The following ALDH4A1 variants were observed in gnomAD, a reference collection of about 807,000 sequenced individuals.
ALDH4A1 encodes the protein delta-1-pyrroline-5-carboxylate dehydrogenase, mitochondrial.
A neutral mutation model predicts 70.5 loss-of-function variants in ALDH4A1; 46 were observed. That is an observed-to-expected ratio of 0.65 (90% confidence interval 0.51 to 0.83). The LOEUF is 0.83. ALDH4A1 is among the 40% of genes least tolerant of loss of function. ALDH4A1 has a pLI of 0.00. For synonymous variants in ALDH4A1, 323 were observed against 324.3 expected (o/e 1.00, Z 0.04); for missense variants, 749 against 766.5 (o/e 0.98, Z 0.27).
intron 1 of ALDH4A1, among the ~76,000 whole-genome samples, chr1:18,899,550 A>G (rs1012342127): frequency 2.0e-5 from 3 of 152,216 alleles, no homozygotes; most frequent in African/African-American, 7.2e-5. Context: ...AAAAACAGGA[A>G]GTCAGGGTTA....
At chr1:18,885,180 C>T (rs1365277744) in intron 5 of ALDH4A1, 2 of 471,478 alleles carry the variant, frequency 4.2e-6, no homozygotes, top group Non-Finnish European at 7.8e-6. Context: ...GGAGACAGTG[C>T]AGGCCACCAC....
At chr1:18,882,940 C>T (rs1569752955) in intron 7 of ALDH4A1, among the ~76,000 whole-genome samples, 184 bp downstream of exon 7, 3 of 152,206 alleles carry the variant, frequency 2.0e-5, no homozygotes, top group Admixed American at 1.3e-4. Context: ...CAGAGAGGCA[C>T]GACGCTGGGA....
chr1:18,872,655 C>T lies in ALDH4A1; in HGVS notation c.*190G>A. 1.7e-6 allele frequency: 1 copy of T among 578,292 alleles called. No individual in the cohort carries two copies. The highest frequency in any genetic ancestry group is 3.0e-5 in the Admixed American group (1 of 33,464). The allele number at this position is 578,292 out of a possible 1,614,324, so 35.8% of individuals were successfully genotyped here. A position where few individuals can be genotyped will look rare whatever the true frequency, so the allele number is the denominator to read the frequency against. ...TAAGGGGTAGTGGCCATGTTCCTCCCCAGCACGATCTCAAACCAGAGCCTG... is the reference window on the plus strand; with the variant it reads ...TAAGGGGTAGTGGCCATGTTCCTCCTCAGCACGATCTCAAACCAGAGCCTG... On this transcript the variant is annotated 3_prime_UTR_variant, in exon 15 of 15. Transcript: ENST00000375341.
intron 1 of ALDH4A1, among the ~76,000 whole-genome samples, chr1:18,902,245 A>G (rs1935824279): frequency 2.0e-5 from 3 of 152,026 alleles, no homozygotes; most frequent in African/African-American, 4.8e-5. Context: ...TCCCCTCGCT[A>G]AAGGAAGGTG....
intron 1 of ALDH4A1, among the ~76,000 whole-genome samples, chr1:18,896,127 C>T (rs1935608375): frequency 6.6e-6 from 1 of 152,128 alleles, no homozygotes; most frequent in Non-Finnish European, 1.5e-5. Context: ...CCTCTCATAG[C>T]TCTAGACTTT....
intron 3 of ALDH4A1, 21 bp from the exon 4 acceptor site, chr1:18,886,532 G>T: frequency 6.2e-7 from 1 of 1,613,738 alleles, no homozygotes; most frequent in Non-Finnish European, 8.5e-7. Flanking sequence ...AGAAGAGTGA[G>T]GTCCTTGCCC....
chr1:18,890,998 G>A (rs1055510888), intron 1 of ALDH4A1: 3 of 580,030 alleles, frequency 5.2e-6, no homozygotes, highest in Non-Finnish European at 6.5e-6. Flanking sequence ...GGCCCTGGGG[G>A]TGAGGTGCCT....
chr1:18,881,872 A>G lies in ALDH4A1; in HGVS notation c.694T>C (p.Trp232Arg). 1 of 1,613,536 alleles carries G rather than the reference A, an allele frequency of 6.2e-7. No individual in the cohort carries two copies. Among genetic ancestry groups the G allele is most frequent in the Non-Finnish European group, 8.5e-7 (1 of 1,180,012 alleles). ...AGCATGGCAGTGTCACTGGGCTTCC[A>G]TAGGACCACGTTGCCCTGCCCGGGA... ...APALMGNVVLWKPSDTAMLAS... is the reference protein window; with the variant it reads ...APALMGNVVLRKPSDTAMLAS... Residue 232 changes from tryptophan (W) to arginine (R), a missense_variant, in exon 8 of 15, where the codon TGG (tryptophan) becomes CGG (arginine). By Grantham distance (101) the Trp-to-Arg change is moderately radical. Transcript: ENST00000375341.
chr1:18,888,186 C>G (rs1317220176), intron 3 of ALDH4A1, among the ~76,000 whole-genome samples: 2 of 152,226 alleles, frequency 1.3e-5, no homozygotes, highest in East Asian at 1.9e-4. Context: ...GGAAATTCTA[C>G]TGGCCGGCGC....
intron 3 of ALDH4A1, among the ~76,000 whole-genome samples, chr1:18,888,952 T>C (rs1935328239): frequency 2.0e-5 from 3 of 152,248 alleles, no homozygotes; most frequent in African/African-American, 7.2e-5. Flanking sequence ...ACCTATGAGT[T>C]TCCTGGCCCA....
chr1:18,895,943 T>C (rs1187174627), intron 1 of ALDH4A1, among the ~76,000 whole-genome samples: 1 of 152,154 alleles, frequency 6.6e-6, no homozygotes, highest in Non-Finnish European at 1.5e-5. Context: ...TGGCTTCTCA[T>C]TTCTTCTAAA....
intron 11 of ALDH4A1, among the ~76,000 whole-genome samples, 194 bp from the exon 12 acceptor site, chr1:18,876,661 C>CTGTGTGTGTGTGTGTGTGTGAGTG (rs10524811): frequency 6.8e-6 from 1 of 146,732 alleles, no homozygotes; most frequent in Non-Finnish European, 1.5e-5. Flanking sequence ...GACATGAACA[C>CTGTGTGTGTGTGTGTGTGTGAGTG]TGTGTGTGTG....
intron 1 of ALDH4A1, among the ~76,000 whole-genome samples, chr1:18,890,501 C>G (rs1161418712): frequency 6.6e-6 from 1 of 152,098 alleles, no homozygotes; most frequent in East Asian, 1.9e-4. Context: ...GAGCCGAGAT[C>G]GTGCCACTGC....
chr1:18,885,384 C>T (rs771078284), intron 5 of ALDH4A1, 89 bp downstream of exon 5: 85 of 1,378,318 alleles, frequency 6.2e-5, no homozygotes, highest in Middle Eastern at 2.5e-4. Context: ...GACCCAGAAG[C>T]GCTTCAGCTG....
At position 18,872,708 on chromosome 1, in the gene ALDH4A1, G is replaced by GT. The variant is rs1158329911; in HGVS notation, c.*136dup. On this transcript the variant is annotated 3_prime_UTR_variant, in exon 15 of 15. Transcript: ENST00000375341. ...GCATGGGAGAGGCCAGAATACAGTG[G>GT]TAAGAAGGGAGTCAAGCCCGGATTA... 2 of 697,268 alleles carry GT rather than the reference G, an allele frequency of 2.9e-6. No individual in the cohort carries two copies. The highest frequency in any genetic ancestry group is 5.1e-5 in the East Asian group (2 of 39,292). The allele number at this position is 697,268 out of a possible 1,614,324, so 43.2% of individuals were successfully genotyped here.
rs199817627 is a variant in ALDH4A1 at position 18,890,028 on chromosome 1, C to T, written c.140G>A (p.Arg47Gln). ...TCCCATTACCTTTTGCAGGGCATCT[C>T]GCTCAGGGCTGCCCTGCGTGAAGGC... ...VLAFTQGSPE[R>Q]DALQKALKDL... The change falls in exon 2 of 15, where the codon CGA (arginine) becomes CAA (glutamine). Residue 47 changes from arginine to glutamine, a missense_variant. Physicochemically the swap from Arg to Gln is conservative, Grantham distance 43. Coordinates refer to ENST00000375341, the MANE Select transcript of ALDH4A1 (RefSeq NM_003748.4). The T allele has an allele frequency of 1.3e-5, 21 of 1,610,514 alleles. No homozygotes were observed. In the East Asian group the frequency reaches 2.9e-4, roughly 22 times the overall value.
Position 18,877,537 on chromosome 1 carries a change from G to A in ALDH4A1, c.1016C>T (p.Ser339Leu), listed in dbSNP as rs368635653. Residue 339 changes from serine to leucine, a missense_variant, in exon 10 of 15, where the codon TCA (serine) becomes TTA (leucine). Transcript: ENST00000375341. ...CTTCTGGCCACCGTACTCGAAGGCT[G>A]AGCGGAGGGTCCCGCTCACCACGCT... is the stretch of plus-strand genomic sequence containing the variant. ...VESVVSGTLR[S>L]AFEYGGQKCS... 1.9e-6 allele frequency: 3 copies of A among 1,611,868 alleles called. No homozygotes were observed. In the African/African-American group the frequency reaches 4.0e-5, roughly 22 times the overall value.
intron 5 of ALDH4A1, among the ~76,000 whole-genome samples, chr1:18,884,258 C>G (rs942806997): frequency 1.3e-5 from 2 of 152,206 alleles, no homozygotes; most frequent in Non-Finnish European, 2.9e-5. Context: ...GGCTGCTGAG[C>G]CAATCTAAGA....
chr1:18,879,476 G>A (rs1934875886), intron 8 of ALDH4A1, 103 bp from the exon 9 acceptor site: 14 of 1,034,878 alleles, frequency 1.4e-5, no homozygotes, highest in Non-Finnish European at 2.1e-5. Context: ...AGCAGGAGGT[G>A]GGAGCCAAGT....
Sources: gnomAD v4.1 joint callset for allele counts (sites outside exome capture counted in the v4.1 genomes callset) on GRCh38, gnomAD v4.1.1 for gene constraint, MANE v1.5 for transcripts, NCBI Gene and HGNC (gene_info 2026-07-23, HGNC 2026-07-21) for gene names.